The following VWC2L variants were observed in gnomAD, a reference collection of about 807,000 sequenced individuals.
VWC2L encodes the protein von Willebrand factor C domain containing 2 like.
VWC2L carries 10 observed loss-of-function variants against 21.6 expected under a neutral mutation model. The ratio of observed to expected loss-of-function variants is 0.46; its 90% CI spans 0.29 to 0.78. The LOEUF is 0.78. Ranked by LOEUF, VWC2L falls within the 30% of genes least tolerant of loss-of-function variation. The pLI, the probability that VWC2L is intolerant of heterozygous loss-of-function variation, is 0.10. For missense variants in VWC2L, 209 were observed against 277.1 expected, an observed-to-expected ratio of 0.75 and a Z score of 1.74; for synonymous variants, 96 against 94.3, an observed-to-expected ratio of 1.02 and a Z score of -0.10.
chr2:214,430,220 A>G (rs202037611), intron 2 of VWC2L, among the ~76,000 whole-genome samples: 1 of 105,876 alleles, frequency 9.4e-6, no homozygotes, highest in African/African-American at 4.3e-5. Context: ...AGCAAACTTT[A>G]CTTGATAATT....
chr2:214,564,865 A>G (rs1295853425), intron 3 of VWC2L, among the ~76,000 whole-genome samples: 1 of 152,048 alleles, frequency 6.6e-6, no homozygotes, highest in Non-Finnish European at 1.5e-5. Context: ...TTTATCCTAC[A>G]CATCTCCTCC....
At position 214,436,778 on chromosome 2, in the gene VWC2L, G is replaced by A. The variant is rs956032397; in HGVS notation, c.520+20G>A. On this transcript the variant is annotated intron_variant, in intron 3 of 3. Coordinates refer to ENST00000312504, the MANE Select transcript of VWC2L (RefSeq NM_001080500.4). Reference sequence around the variant, plus strand: ...AAAATGGTAAGACCACACTGCATTAGCTTTTGAAGAGGGGTTCGCACAAAA... The same window carrying A: ...AAAATGGTAAGACCACACTGCATTAACTTTTGAAGAGGGGTTCGCACAAAA... The A allele has an allele frequency of 1.9e-6, 3 of 1,612,374 alleles. No individual in the cohort carries two copies. Among genetic ancestry groups the A allele is most frequent in the Non-Finnish European group, 2.5e-6 (3 of 1,178,768 alleles).
intron 3 of VWC2L, among the ~76,000 whole-genome samples, chr2:214,567,327 A>C (rs1690076731): frequency 6.6e-6 from 1 of 152,146 alleles, no homozygotes; most frequent in Admixed American, 6.6e-5. Context: ...CAGGGTATCT[A>C]GTACTGAAAG....
At chr2:214,485,162 C>T (rs1688658193) in intron 3 of VWC2L, among the ~76,000 whole-genome samples, 1 of 151,554 alleles carries the variant, frequency 6.6e-6, no homozygotes, top group South Asian at 2.1e-4. Context: ...ACTAAAAATA[C>T]AAAAAAAATT....
intron 2 of VWC2L, among the ~76,000 whole-genome samples, chr2:214,421,043 G>A (rs1049435102): frequency 6.6e-6 from 1 of 152,120 alleles, no homozygotes; most frequent in Non-Finnish European, 1.5e-5. Context: ...AAGTAACTGG[G>A]GAACCTTTAC....
intron 2 of VWC2L, among the ~76,000 whole-genome samples, chr2:214,425,387 G>A (rs890225582): frequency 4.6e-5 from 7 of 152,108 alleles, no homozygotes; most frequent in African/African-American, 1.7e-4. Flanking sequence ...ATACTTAACA[G>A]CAGGCATGTT....
intron 3 of VWC2L, among the ~76,000 whole-genome samples, chr2:214,569,897 G>A (rs1690124655): frequency 6.6e-6 from 1 of 152,146 alleles, no homozygotes; most frequent in Admixed American, 6.6e-5. Context: ...CAGACTGGAA[G>A]AGGTGTAACC....
intron 3 of VWC2L, among the ~76,000 whole-genome samples, chr2:214,462,367 C>A (rs1416050361): frequency 2.6e-5 from 4 of 152,210 alleles, no homozygotes; most frequent in Non-Finnish European, 5.9e-5. Context: ...CCAGTCCCAG[C>A]CTGGCCAACT....
intron 2 of VWC2L, among the ~76,000 whole-genome samples, chr2:214,422,257 C>A (rs1430049024): frequency 6.6e-6 from 1 of 151,856 alleles, no homozygotes; most frequent in Admixed American, 6.6e-5. Flanking sequence ...TAATTTATAA[C>A]CTATATAATC....
chr2:214,538,836 G>T (rs2105919921), intron 3 of VWC2L, among the ~76,000 whole-genome samples: 1 of 152,172 alleles, frequency 6.6e-6, no homozygotes, highest in Non-Finnish European at 1.5e-5. Context: ...AAGTGGTTAA[G>T]TGAGTGAATC....
At chr2:214,413,567 C>A (rs1702309477) in intron 1 of VWC2L, among the ~76,000 whole-genome samples, 2 of 152,080 alleles carry the variant, frequency 1.3e-5, no homozygotes, top group South Asian at 4.1e-4. Context: ...CATTGTTGTT[C>A]TTTAATTATG....
At chr2:214,487,359 C>A (rs558012580) in intron 3 of VWC2L, among the ~76,000 whole-genome samples, 10 of 151,908 alleles carry the variant, frequency 6.6e-5, no homozygotes, top group Admixed American at 2.6e-4. Context: ...ACCTACTGTG[C>A]GCCAAGCTCT....
At chr2:214,452,486 A>G (rs1040976988) in intron 3 of VWC2L, among the ~76,000 whole-genome samples, 16 of 152,206 alleles carry the variant, frequency 1.1e-4, no homozygotes, top group Admixed American at 1.0e-3. Flanking sequence ...ACACCACAGT[A>G]TAATTTATCT....
intron 2 of VWC2L, among the ~76,000 whole-genome samples, chr2:214,417,972 T>A (rs1158330761): frequency 1.3e-5 from 2 of 152,184 alleles, no homozygotes; most frequent in Non-Finnish European, 2.9e-5. Flanking sequence ...GCCTAGATTC[T>A]ACTCATCAAC....
chr2:214,458,083 T>C (rs889600516), intron 3 of VWC2L, among the ~76,000 whole-genome samples: 3 of 152,050 alleles, frequency 2.0e-5, no homozygotes, highest in Non-Finnish European at 4.4e-5. Flanking sequence ...GTCCTGGGCG[T>C]TTCTTTGTTG....
At chr2:214,521,278 A>ATC (rs879258473) in intron 3 of VWC2L, among the ~76,000 whole-genome samples, 8,750 of 128,732 alleles carry the variant, frequency 0.068, 324 homozygotes, top group Non-Finnish European at 0.088. Flanking sequence ...TAAATAAATA[A>ATC]AACTACCAAG....
chr2:214,478,479 AAAC>A (rs935103463), intron 3 of VWC2L, among the ~76,000 whole-genome samples: 1 of 151,772 alleles, frequency 6.6e-6, no homozygotes, highest in Non-Finnish European at 1.5e-5. Flanking sequence ...AAAAAAAAAA[AAAC>A]AACAAAAAAC....
intron 3 of VWC2L, among the ~76,000 whole-genome samples, chr2:214,469,268 G>T (rs932607058): frequency 6.6e-6 from 1 of 152,128 alleles, no homozygotes; most frequent in Non-Finnish European, 1.5e-5. Context: ...TAAGAAGTTG[G>T]TCTGCTTCAG....
intron 3 of VWC2L, among the ~76,000 whole-genome samples, chr2:214,568,342 C>T (rs766494890): frequency 1.3e-5 from 2 of 152,136 alleles, no homozygotes; most frequent in African/African-American, 4.8e-5. Context: ...TCCCTGAAGG[C>T]AAAAACTCTT....
Sources: allele counts gnomAD v4.1 joint callset (sites outside exome capture counted in the v4.1 genomes callset), GRCh38; gene constraint gnomAD v4.1.1; transcripts MANE v1.5; gene names NCBI Gene and HGNC (gene_info 2026-07-23, HGNC 2026-07-21).